The following XYLB variants were observed in gnomAD, a reference collection of about 807,000 sequenced individuals.
The protein encoded by XYLB is xylulokinase.
XYLB carries 62 observed loss-of-function variants against 78.7 expected under a neutral mutation model. That is an observed-to-expected ratio of 0.79 (90% CI 0.64 to 0.97). The LOEUF (loss-of-function observed/expected upper bound fraction) is 0.97, where lower values mean the gene tolerates loss of function less well. Among genes scored for constraint, XYLB ranks in the 50% least tolerant of loss-of-function variants. The pLI is 0.00. For synonymous variants in XYLB, 245 were observed against 247.4 expected (o/e 0.99, Z 0.09); for missense variants, 687 against 676.8 (o/e 1.02, Z -0.17).
At chr3:38,349,813 C>T (rs1705262355) in intron 2 of XYLB, among the ~76,000 whole-genome samples, 1 of 152,198 alleles carries the variant, frequency 6.6e-6, no homozygotes, top group Non-Finnish European at 1.5e-5. Flanking sequence ...TGACCACTCT[C>T]TTGCTGTGTC....
Position 38,414,523 on chromosome 3 carries a change from C to T in XYLB, c.*1510C>T, listed in dbSNP as rs961408167. 1.3e-5 allele frequency: 2 copies of T among 151,932 alleles called. No homozygotes were observed. The highest frequency in any genetic ancestry group is 2.4e-5 in the African/African-American group (1 of 41,374). The allele number at this position is 151,932 out of a possible 1,614,324, so 9.4% of individuals were successfully genotyped here. A position where few individuals can be genotyped will look rare whatever the true frequency, so the allele number is the denominator to read the frequency against. The stretch of plus-strand genomic sequence containing the variant: ...TGGACCATGAAACAGTAAACTGTAA[C>T]TAAACACTTCAACATGAATTTGAAA... On this transcript the variant is annotated 3_prime_UTR_variant, in exon 19 of 19. Coordinates refer to ENST00000207870, the MANE Select transcript of XYLB (RefSeq NM_005108.4).
chr3:38,348,519 T>C, intron 1 of XYLB, 31 bp from the exon 2 acceptor site: 1 of 1,612,162 alleles, frequency 6.2e-7, no homozygotes, highest in Non-Finnish European at 8.5e-7. Flanking sequence ...TGAGGAAAAT[T>C]CTACACTTCC....
chr3:38,346,927 TAC>T lies in XYLB; in HGVS notation c.57+4_57+5del. 1 of 1,483,490 alleles carries T rather than the reference TAC, an allele frequency of 6.7e-7. No individual in the cohort carries two copies. The highest frequency in any genetic ancestry group is 9.0e-7 in the Non-Finnish European group (1 of 1,115,700). The allele number at this position is 1,483,490 out of a possible 1,614,324, so 91.9% of individuals were successfully genotyped here. ...GGCTGGGACTTCAGCACGCAGCAGG[TAC>T]AGTCGCCTGGCCGCAGGGCCACGGG... On this transcript the variant is annotated splice_donor_region_variant and intron_variant, in intron 1 of 18. Transcript: ENST00000207870.
rs1201160943 is a variant in XYLB at position 38,413,107 on chromosome 3, CA to C, written c.*95del. ...GAGGGATCCACTTCTCTGTTCTGAACAGCTCTTCCTGCCCCTACTGACTCCT... is the reference window on the plus strand; with the variant it reads ...GAGGGATCCACTTCTCTGTTCTGAACGCTCTTCCTGCCCCTACTGACTCCT... On this transcript the variant is annotated 3_prime_UTR_variant, in exon 19 of 19. Coordinates refer to ENST00000207870, the MANE Select transcript of XYLB (RefSeq NM_005108.4). The C allele has an allele frequency of 1.8e-5, 23 of 1,270,878 alleles. No individual in the cohort carries two copies. In the Admixed American group the frequency reaches 6.0e-4, roughly 33 times the overall value. The allele number at this position is 1,270,878 out of a possible 1,614,324, so 78.7% of individuals were successfully genotyped here.
At chr3:38,433,325 G>A in the XYLB span, among the ~76,000 whole-genome samples, 1 of 152,218 alleles carries the variant, frequency 6.6e-6, no homozygotes, top group South Asian at 2.1e-4. Context: ...CTGTGATGGG[G>A]AGGGCTGCCC....
the XYLB span, among the ~76,000 whole-genome samples, chr3:38,434,947 A>G: frequency 6.6e-6 from 1 of 152,194 alleles, no homozygotes; most frequent in Non-Finnish European, 1.5e-5. Flanking sequence ...AGCCTGGCTA[A>G]CATAGCAAAA....
At chr3:38,365,087 G>T (rs1412887100) in intron 4 of XYLB, 112 bp from the exon 5 acceptor site, 1 of 878,928 alleles carries the variant, frequency 1.1e-6, no homozygotes, top group Non-Finnish European at 1.8e-6. Context: ...AAGTGGCAGG[G>T]GCAGGTGTGG....
chr3:38,435,626 C>T, the XYLB span, among the ~76,000 whole-genome samples: 9 of 152,300 alleles, frequency 5.9e-5, no homozygotes, highest in South Asian at 2.1e-4. Flanking sequence ...TTCTATCCAA[C>T]GACTGCAGAA....
chr3:38,433,150 G>A, the XYLB span, among the ~76,000 whole-genome samples: 1 of 152,252 alleles, frequency 6.6e-6, no homozygotes, highest in Non-Finnish European at 1.5e-5. Context: ...CCAACACCAT[G>A]TGGAAGCTGC....
the XYLB span, among the ~76,000 whole-genome samples, chr3:38,429,174 T>C: frequency 6.6e-6 from 1 of 152,196 alleles, no homozygotes; most frequent in Non-Finnish European, 1.5e-5. Flanking sequence ...TGTAGCTTCA[T>C]GTGGGCTTGG....
chr3:38,361,574 G>A (rs1017174004), intron 3 of XYLB, among the ~76,000 whole-genome samples: 1 of 152,194 alleles, frequency 6.6e-6, no homozygotes, highest in Non-Finnish European at 1.5e-5. Flanking sequence ...AGGGTCGGGG[G>A]TTAGAGACAA....
chr3:38,444,243 G>A, the XYLB span, among the ~76,000 whole-genome samples: 1 of 152,178 alleles, frequency 6.6e-6, no homozygotes, highest in Non-Finnish European at 1.5e-5. Flanking sequence ...AGAGGGAGAA[G>A]GGGACATGTA....
intron 2 of XYLB, among the ~76,000 whole-genome samples, chr3:38,358,449 A>G (rs2125565623): frequency 1.3e-5 from 2 of 150,378 alleles, no homozygotes; most frequent in South Asian, 2.1e-4. Context: ...GGTTCAAACA[A>G]TTCTCCCACC....
the XYLB span, among the ~76,000 whole-genome samples, chr3:38,440,616 G>C: frequency 1.3e-5 from 2 of 152,184 alleles, no homozygotes; most frequent in Admixed American, 1.3e-4. Context: ...AAGGATTTTT[G>C]ATAAGAAGGC....
chr3:38,426,390 A>G, the XYLB span, among the ~76,000 whole-genome samples: 2 of 152,240 alleles, frequency 1.3e-5, no homozygotes, highest in African/African-American at 4.8e-5. Flanking sequence ...AGTGGGAAAG[A>G]GTTAAGAAAC....
At chr3:38,424,828 CT>C (rs1246015439), downstream of XYLB, among the ~76,000 whole-genome samples, 3 of 152,194 alleles carry the variant, frequency 2.0e-5, no homozygotes, top group Non-Finnish European at 4.4e-5. Context: ...AGAATGCACC[CT>C]TTTTACATAA....
chr3:38,405,753 G>T (rs1575536627), intron 18 of XYLB, among the ~76,000 whole-genome samples: 1 of 152,244 alleles, frequency 6.6e-6, no homozygotes, highest in South Asian at 2.1e-4. Context: ...GGCTCAGAGG[G>T]TCCTACGCCC....
At chr3:38,450,053 G>T in the XYLB span, among the ~76,000 whole-genome samples, 1 of 152,124 alleles carries the variant, frequency 6.6e-6, no homozygotes, top group Non-Finnish European at 1.5e-5. Context: ...TTAAGTCTTG[G>T]GGGAACTGTA....
chr3:38,369,252 A>G (rs1367721080), intron 8 of XYLB, among the ~76,000 whole-genome samples: 1 of 152,214 alleles, frequency 6.6e-6, no homozygotes, highest in East Asian at 1.9e-4. Context: ...AGGAGGCAAC[A>G]GGGTTCCCTA....
Sources: allele counts gnomAD v4.1 joint callset (sites outside exome capture counted in the v4.1 genomes callset), GRCh38; gene constraint gnomAD v4.1.1; transcripts MANE v1.5; gene names NCBI Gene and HGNC (gene_info 2026-07-23, HGNC 2026-07-21).